CNGB1: variants seen among roughly 807,000 people sequenced by gnomAD.
The protein encoded by CNGB1 is cyclic nucleotide-gated channel beta-1.
In CNGB1, 126 loss-of-function variants were observed where a neutral mutation model predicts 151.7. The ratio of observed to expected loss-of-function variants is 0.83; its 90% confidence interval spans 0.72 to 0.96. CNGB1 has a LOEUF of 0.96. Ranked by LOEUF, CNGB1 falls within the 40% of genes least tolerant of loss-of-function variation. The probability of loss-of-function intolerance (pLI) is 0.00; values close to 1 mark genes in which losing one functional copy is unlikely to be tolerated. For missense variants in CNGB1, 1,698 were observed against 1,627.0 expected, an observed-to-expected ratio of 1.04 and a Z score of -0.75; for synonymous variants, 623 against 635.1, an observed-to-expected ratio of 0.98 and a Z score of 0.29.
chr16:57,940,922 T>C lies in CNGB1; in HGVS notation c.1122-601A>G, dbSNP rs576927346. On this transcript the variant is annotated intron_variant, in intron 14 of 32. Transcript: ENST00000251102. ...CCAAGCAGCAGGCATACATAAGTGA[T>C]AGGGCCAGGGGTGAGGGTGCAGTGG... Among the ~76,000 whole-genome samples the C allele has an allele frequency of 5.3e-5, 8 of 152,102 alleles. No individual in the cohort carries two copies. The East Asian group carries it at 1.5e-3, about 29-fold the overall frequency.
intron 17 of CNGB1, 127 bp from the exon 18 acceptor site, chr16:57,923,507 G>T: frequency 1.3e-6 from 1 of 746,784 alleles, no homozygotes; most frequent in Non-Finnish European, 2.3e-6. Context: ...GGCGGAGCAT[G>T]AACTTCTGAG....
intron 31 of CNGB1, among the ~76,000 whole-genome samples, chr16:57,896,816 G>T (rs1960243246): frequency 6.6e-6 from 1 of 151,944 alleles, no homozygotes; most frequent in Non-Finnish European, 1.5e-5. Flanking sequence ...GGTTGGAAAA[G>T]CCTGAGGAAC....
intron 16 of CNGB1, among the ~76,000 whole-genome samples, chr16:57,935,840 G>T (rs1490168647): frequency 6.6e-6 from 1 of 151,888 alleles, no homozygotes; most frequent in Non-Finnish European, 1.5e-5. Context: ...CCTACCAGAA[G>T]ATGGAGGCCG....
At chr16:57,950,694 C>T (rs368004579) in intron 12 of CNGB1, among the ~76,000 whole-genome samples, 154 bp from the exon 13 acceptor site, 7 of 152,352 alleles carry the variant, frequency 4.6e-5, no homozygotes, top group African/African-American at 1.4e-4. Context: ...CCATTTTCAG[C>T]GGGACCAGAT....
In CNGB1 at chr16:57,904,914, G is replaced by C. The variant is rs201515278; in HGVS notation, c.2493-39C>G. ...AGAAAGGGAACATGGGTCATCACAG[G>C]CCCCACTCTGCCGCCCCGAGCAGTC... On this transcript the variant is annotated intron_variant, in intron 25 of 32. Transcript: ENST00000251102. The C allele has an allele frequency of 5.0e-5, 80 of 1,613,472 alleles. No homozygotes were observed. The Middle Eastern group carries it at 2.0e-3, about 40-fold the overall frequency.
At position 57,901,343 on chromosome 16, in the gene CNGB1, C is replaced by A; in HGVS notation, c.2976+9G>T. ...CCCAGATCCCGTGGTGGCTGCCAGG[C>A]CAGCTCACCTTCTTGCACACATAGT... On this transcript the variant is annotated intron_variant, in intron 29 of 32. Transcript: ENST00000251102. 6.2e-7 allele frequency: 1 copy of A among 1,613,782 alleles called. No individual in the cohort carries two copies. The highest frequency in any genetic ancestry group is 1.1e-5 in the South Asian group (1 of 91,078).
intron 26 of CNGB1, 47 bp downstream of exon 26, chr16:57,904,687 G>GA (rs1257276949): frequency 1.1e-5 from 17 of 1,612,774 alleles, no homozygotes; most frequent in Non-Finnish European, 1.4e-5. Context: ...AGTGGGAGGG[G>GA]GCCCTGCAGT....
Position 57,887,895 on chromosome 16 carries a change from G to A in CNGB1, c.3422C>T (p.Ala1141Val), listed in dbSNP as rs562161300. 81 of 1,614,160 alleles carry A rather than the reference G, an allele frequency of 5.0e-5. No homozygotes were observed. Among genetic ancestry groups the A allele is most frequent in the African/African-American group, 3.1e-4 (23 of 75,034 alleles). ...HLRARLKELA[A>V]LEAAAKQQEL... ...TTGCTGCTTTGCAGCCGCCTCCAGCGCGGCCAGTTCTTTGAGCCGGGCCCG... is the reference window on the plus strand; with the variant it reads ...TTGCTGCTTTGCAGCCGCCTCCAGCACGGCCAGTTCTTTGAGCCGGGCCCG... The change falls in exon 32 of 33, where the codon GCG becomes GTG. Residue 1141 changes from alanine to valine, a missense_variant. Transcript: ENST00000251102.
chr16:57,968,463 C>CTCCA (rs1377093357), intron 1 of CNGB1, among the ~76,000 whole-genome samples: 4 of 152,146 alleles, frequency 2.6e-5, no homozygotes, highest in African/African-American at 9.7e-5. Context: ...TGCCACTGCA[C>CTCCA]TCCAGCCTGG....
chr16:57,885,514 CTTCCTTCCTTTT>C (rs1959893141), intron 32 of CNGB1, among the ~76,000 whole-genome samples: 1 of 149,224 alleles, frequency 6.7e-6, no homozygotes, highest in African/African-American at 2.5e-5. Context: ...TCTTTCCTTC[CTTCCTTCCTTTT>C]TTCCTTCCTT....
intron 9 of CNGB1, 133 bp from the exon 10 acceptor site, chr16:57,960,198 C>T: frequency 6.8e-7 from 1 of 1,466,552 alleles, no homozygotes; most frequent in South Asian, 1.3e-5. Flanking sequence ...CCTCACCCAT[C>T]CCAATCCTCA....
chr16:57,960,928 C>A lies in CNGB1; in HGVS notation c.459-13G>T. The A allele has an allele frequency of 6.2e-7, 1 of 1,613,906 alleles. No individual in the cohort carries two copies. Among genetic ancestry groups the A allele is most frequent in the Non-Finnish European group, 8.5e-7 (1 of 1,179,884 alleles). On this transcript the variant is annotated splice_polypyrimidine_tract_variant and intron_variant, in intron 7 of 32. Coordinates refer to ENST00000251102, the MANE Select transcript of CNGB1 (RefSeq NM_001297.5). ...CCGCAGCCCAGGCCTGCAGAGGGGC[C>A]AGTGATCAGCAGAGTGCCCTGAGGG...
At chr16:57,964,049 C>A in intron 4 of CNGB1, 81 bp downstream of exon 4, 2 of 1,355,110 alleles carry the variant, frequency 1.5e-6, no homozygotes, top group Admixed American at 1.8e-5. Flanking sequence ...CCCATCCCCA[C>A]CCCCATCCCC....
At chr16:57,939,718 C>A in intron 15 of CNGB1, 126 bp from the exon 16 acceptor site, 1 of 1,326,864 alleles carries the variant, frequency 7.5e-7, no homozygotes, top group Non-Finnish European at 1.1e-6. Context: ...CCTGCCCAGC[C>A]AGTCAGGTCC....
chr16:57,912,005 G>C, intron 24 of CNGB1, 130 bp from the exon 25 acceptor site: 1 of 1,261,220 alleles, frequency 7.9e-7, no homozygotes, highest in Non-Finnish European at 1.1e-6. Flanking sequence ...GCACCAGTTA[G>C]GAAGGGTGGT....
At chr16:57,951,496 C>T (rs1961947407) in intron 12 of CNGB1, among the ~76,000 whole-genome samples, 1 of 152,194 alleles carries the variant, frequency 6.6e-6, no homozygotes, top group South Asian at 2.1e-4. Flanking sequence ...ACTGGGACTA[C>T]AGGCATGCAC....
rs1960457123 is a variant in CNGB1 at position 57,903,849 on chromosome 16, A to T, written c.2767T>A (p.Tyr923Asn). Residue 923 changes from tyrosine to asparagine, a missense_variant, in exon 27 of 33, where the codon TAC (tyrosine) becomes AAC (asparagine). Coordinates refer to ENST00000251102, the MANE Select transcript of CNGB1 (RefSeq NM_001297.5). Reference protein sequence around the residue: ...VQNRVKTWYEYTWHSQGMLDE... With the variant: ...VQNRVKTWYENTWHSQGMLDE... Reference sequence around the variant, plus strand: ...AGCATGCCTTGCGAGTGCCAGGTGTACTCGTACCAGGTCTTGACGCGGTTC... The same window carrying T: ...AGCATGCCTTGCGAGTGCCAGGTGTTCTCGTACCAGGTCTTGACGCGGTTC... The T allele has an allele frequency of 6.2e-7, 1 of 1,614,138 alleles. No individual in the cohort carries two copies. The highest frequency in any genetic ancestry group is 1.7e-4 in the Middle Eastern group (1 of 6,038).
intron 24 of CNGB1, 60 bp downstream of exon 24, chr16:57,912,870 G>T (rs1157533715): frequency 3.3e-6 from 5 of 1,527,928 alleles, no homozygotes; most frequent in Non-Finnish European, 4.5e-6. Flanking sequence ...TATTGCGTGT[G>T]TTGTGTGTTT....
chr16:57,884,038 G>T lies in CNGB1; in HGVS notation c.*126C>A. 7.1e-7 allele frequency: 1 copy of T among 1,406,760 alleles called. No individual in the cohort carries two copies. The highest frequency in any genetic ancestry group is 1.0e-6 in the Non-Finnish European group (1 of 1,000,706). The allele number at this position is 1,406,760 out of a possible 1,614,324, so 87.1% of individuals were successfully genotyped here. A position where few individuals can be genotyped will look rare whatever the true frequency, so the allele number is the denominator to read the frequency against. On this transcript the variant is annotated 3_prime_UTR_variant, in exon 33 of 33. Transcript: ENST00000251102. Reference sequence around the variant, plus strand: ...GACGGTCAGAGCTGCAGCCACTGAGGTCACGACTACGGAAAAGCATCTTCT... The same window carrying T: ...GACGGTCAGAGCTGCAGCCACTGAGTTCACGACTACGGAAAAGCATCTTCT...
Sources: allele counts gnomAD v4.1 joint callset (sites outside exome capture counted in the v4.1 genomes callset), GRCh38; gene constraint gnomAD v4.1.1; transcripts MANE v1.5; gene names NCBI Gene and HGNC (gene_info 2026-07-23, HGNC 2026-07-21).